The following CTNNA3 variants were observed in gnomAD, a reference collection of about 807,000 sequenced individuals.
The protein encoded by CTNNA3 is catenin alpha-3.
A neutral mutation model predicts 95.7 loss-of-function variants in CTNNA3; 76 were observed. The ratio of observed to expected loss-of-function variants is 0.79; its 90% CI spans 0.66 to 0.96. The LOEUF (loss-of-function observed/expected upper bound fraction) is 0.96. CTNNA3 is among the 40% of genes least tolerant of loss of function. CTNNA3 has a pLI of 0.00. For missense variants in CTNNA3, 1,191 were observed against 1,089.8 expected (o/e 1.09, Z -1.31); for synonymous variants, 431 against 374.4 (o/e 1.15, Z -1.74).
intron 7 of CTNNA3, among the ~76,000 whole-genome samples, chr10:67,067,750 C>T (rs900969257): frequency 2.6e-5 from 4 of 152,188 alleles, no homozygotes; most frequent in Non-Finnish European, 5.9e-5. Context: ...TTCATTTATG[C>T]AGTCATTCAT....
chr10:67,190,499 T>G (rs1346559985), intron 6 of CTNNA3, among the ~76,000 whole-genome samples: 1 of 151,964 alleles, frequency 6.6e-6, no homozygotes, highest in Non-Finnish European at 1.5e-5. Context: ...ATAACTAGGC[T>G]TCATTTCATA....
At chr10:66,495,863 G>A (rs865966060) in intron 11 of CTNNA3, among the ~76,000 whole-genome samples, 1 of 151,944 alleles carries the variant, frequency 6.6e-6, no homozygotes, top group African/African-American at 2.4e-5. Flanking sequence ...ACCATGTGTT[G>A]GCCAGGCTGA....
intron 5 of CTNNA3, among the ~76,000 whole-genome samples, chr10:67,227,235 G>A (rs1189095993): frequency 6.6e-6 from 1 of 151,932 alleles, no homozygotes; most frequent in Non-Finnish European, 1.5e-5. Context: ...AGGATTACAT[G>A]CCTGCACCAC....
intron 7 of CTNNA3, among the ~76,000 whole-genome samples, chr10:66,921,731 T>G (rs1024127667): frequency 2.0e-5 from 3 of 151,864 alleles, no homozygotes; most frequent in East Asian, 3.8e-4. Flanking sequence ...CCAATCTTCC[T>G]TATATTTTTC....
chr10:66,313,809 C>T (rs1331165475), intron 12 of CTNNA3, among the ~76,000 whole-genome samples: 2 of 152,194 alleles, frequency 1.3e-5, no homozygotes, highest in South Asian at 2.1e-4. Context: ...GCCTGGTACA[C>T]ATTTCACTCA....
chr10:66,261,295 T>A (rs1412039536), intron 13 of CTNNA3, among the ~76,000 whole-genome samples: 1 of 152,126 alleles, frequency 6.6e-6, no homozygotes, highest in South Asian at 2.1e-4. Context: ...TCCCTTGATC[T>A]TCCTACCTCA....
At chr10:67,497,036 A>G (rs1416375585) in intron 5 of CTNNA3, among the ~76,000 whole-genome samples, 2 of 152,032 alleles carry the variant, frequency 1.3e-5, no homozygotes, top group African/African-American at 4.8e-5. Flanking sequence ...GCACCCTTCA[A>G]CCCGTCATCT....
intron 5 of CTNNA3, among the ~76,000 whole-genome samples, chr10:67,442,257 T>A (rs1846550068): frequency 6.6e-6 from 1 of 151,786 alleles, no homozygotes; most frequent in South Asian, 2.1e-4. Context: ...GTAAATTAAA[T>A]CATACCACCA....
intron 9 of CTNNA3, among the ~76,000 whole-genome samples, chr10:66,625,425 G>T (rs1355568567): frequency 1.3e-5 from 2 of 152,060 alleles, no homozygotes; most frequent in African/African-American, 4.8e-5. Context: ...GTCTCACTAG[G>T]TCGCCCAGGC....
intron 12 of CTNNA3, among the ~76,000 whole-genome samples, chr10:66,340,214 A>G (rs1159863640): frequency 6.6e-6 from 1 of 151,816 alleles, no homozygotes; most frequent in Non-Finnish European, 1.5e-5. Context: ...AGGTTGTTAC[A>G]TCTCCAAAAC....
At chr10:66,665,186 A>G (rs963932256) in intron 9 of CTNNA3, among the ~76,000 whole-genome samples, 2 of 146,990 alleles carry the variant, frequency 1.4e-5, no homozygotes, top group Non-Finnish European at 3.0e-5. Flanking sequence ...TTTCATATAA[A>G]TTTTCTGCCT....
intron 12 of CTNNA3, among the ~76,000 whole-genome samples, chr10:66,352,253 C>T (rs1258731938): frequency 1.3e-5 from 2 of 152,082 alleles, no homozygotes; most frequent in African/African-American, 2.4e-5. Context: ...TTTGGGGCTA[C>T]CCTCCCTCCT....
chr10:66,314,752 TGTC>T (rs1390118425), intron 12 of CTNNA3, among the ~76,000 whole-genome samples: 2 of 152,118 alleles, frequency 1.3e-5, no homozygotes, highest in Non-Finnish European at 2.9e-5. Flanking sequence ...GTGTTCAAAC[TGTC>T]TTTTACAAGA....
intron 17 of CTNNA3, among the ~76,000 whole-genome samples, chr10:65,924,318 C>T (rs1195477325): frequency 1.3e-5 from 2 of 152,092 alleles, no homozygotes; most frequent in East Asian, 3.9e-4. Context: ...CCATAGCGGG[C>T]TGTATAATAA....
intron 7 of CTNNA3, among the ~76,000 whole-genome samples, chr10:67,025,134 AC>A (rs144688394): frequency 0.78 from 96,270 of 124,034 alleles, 38,791 homozygotes; most frequent in South Asian, 0.91. Context: ...TCTGTCAAAA[AC>A]AAAAAAAAAA....
At chr10:67,419,287 A>G (rs1845655409) in intron 5 of CTNNA3, among the ~76,000 whole-genome samples, 4 of 152,250 alleles carry the variant, frequency 2.6e-5, no homozygotes, top group Admixed American at 2.6e-4. Flanking sequence ...GGACAATACA[A>G]TAACATGCAT....
chr10:66,606,626 T>C (rs1480938910), intron 10 of CTNNA3, among the ~76,000 whole-genome samples: 1 of 151,892 alleles, frequency 6.6e-6, no homozygotes, highest in Non-Finnish European at 1.5e-5. Flanking sequence ...CTCAAAACCA[T>C]ATAATCCATG....
chr10:67,585,033 G>A (rs1217939609), intron 3 of CTNNA3, among the ~76,000 whole-genome samples: 2 of 152,268 alleles, frequency 1.3e-5, no homozygotes, highest in African/African-American at 2.4e-5. Flanking sequence ...GCGATGCCCC[G>A]CCCTGCTTCA....
rs150057682 is a variant in CTNNA3, at chr10:66,783,861, C to T, written c.1048-8337G>A. 1.5e-3 allele frequency among the ~76,000 whole-genome samples: 227 copies of T among 152,270 alleles called. 4 individuals carry two copies. In the East Asian group the frequency reaches 0.036, roughly 24 times the overall value. ...TTATTGTCTGCCATTCCTCCAGTTT[C>T]TTAAGTCTAATTCCTACTCTGTTTC... On this transcript the variant is annotated intron_variant, in intron 7 of 17. Coordinates refer to ENST00000433211, the MANE Select transcript of CTNNA3 (RefSeq NM_013266.4).
Sources: gnomAD v4.1 joint callset for allele counts (sites outside exome capture counted in the v4.1 genomes callset) on GRCh38, gnomAD v4.1.1 for gene constraint, MANE v1.5 for transcripts, NCBI Gene and HGNC (gene_info 2026-07-23, HGNC 2026-07-21) for gene names.